Variants in NBAS observed in about 807,000 individuals in gnomAD.
NBAS encodes the protein NAG/BC035112 fusion.
In NBAS, 219 loss-of-function variants were observed where a neutral mutation model predicts 302.5. The observed-to-expected ratio is 0.72, with a 90% CI of 0.65 to 0.81. The LOEUF (loss-of-function observed/expected upper bound fraction) is 0.81. Ranked by LOEUF, NBAS falls within the 30% of genes least tolerant of loss-of-function variation. The pLI is 0.00. For missense variants in NBAS, 2,932 were observed against 2,841.6 expected (o/e 1.03, Z -0.72); for synonymous variants, 1,118 against 1,021.6 (o/e 1.09, Z -1.80).
chr2:15,539,373 C>G lies in NBAS; in HGVS notation c.380-17G>C. On this transcript the variant is annotated splice_polypyrimidine_tract_variant and intron_variant, in intron 6 of 51. Transcript: ENST00000281513. ...CTTTCGGAACTAGAACAAAAGAAAA[C>G]AAGAGGTGCTTCTAACAATATATTA... 6.2e-7 allele frequency: 1 copy of G among 1,614,106 alleles called. No individual in the cohort carries two copies. Among genetic ancestry groups the G allele is most frequent in the African/African-American group, 1.3e-5 (1 of 75,048 alleles).
intron 38 of NBAS, among the ~76,000 whole-genome samples, chr2:15,311,149 C>T (rs1052302659): frequency 1.3e-5 from 2 of 152,158 alleles, no homozygotes; most frequent in African/African-American, 4.8e-5. Flanking sequence ...TGTGGGAACA[C>T]CCAATAATCA....
the NBAS span, among the ~76,000 whole-genome samples, chr2:14,789,534 T>C: frequency 6.6e-6 from 1 of 152,216 alleles, no homozygotes; most frequent in Non-Finnish European, 1.5e-5. Context: ...AGGCCATATA[T>C]TGATAGAAAT....
chr2:15,205,220 G>A (rs915921661), intron 48 of NBAS, among the ~76,000 whole-genome samples: 1 of 151,976 alleles, frequency 6.6e-6, no homozygotes. Flanking sequence ...TTTGTAAGAT[G>A]CATGGATAAC....
At chr2:15,023,271 T>C in the NBAS span, among the ~76,000 whole-genome samples, 14 of 152,286 alleles carry the variant, frequency 9.2e-5, no homozygotes, top group South Asian at 4.1e-4. Flanking sequence ...TAGTATTCTA[T>C]GGTATGTGCT....
chr2:14,801,581 A>T, the NBAS span, among the ~76,000 whole-genome samples: 1 of 152,116 alleles, frequency 6.6e-6, no homozygotes, highest in Non-Finnish European at 1.5e-5. Flanking sequence ...ATAAAATTTC[A>T]AACTGTTTTA....
chr2:14,891,630 T>C, the NBAS span, among the ~76,000 whole-genome samples: 2 of 152,216 alleles, frequency 1.3e-5, no homozygotes, highest in Admixed American at 1.3e-4. Flanking sequence ...AAATTGAGCA[T>C]GACGGAGAGC....
chr2:15,184,185 G>T (rs749610270), intron 50 of NBAS, among the ~76,000 whole-genome samples: 4 of 152,104 alleles, frequency 2.6e-5, no homozygotes, highest in Non-Finnish European at 5.9e-5. Flanking sequence ...CTTATTCCCA[G>T]GCGGCTAAAA....
At chr2:14,909,930 T>C in the NBAS span, among the ~76,000 whole-genome samples, 1 of 152,236 alleles carries the variant, frequency 6.6e-6, no homozygotes, top group Non-Finnish European at 1.5e-5. Flanking sequence ...AAATTGATGC[T>C]CTTGGGCTCT....
At chr2:14,895,193 T>C in the NBAS span, among the ~76,000 whole-genome samples, 1 of 152,158 alleles carries the variant, frequency 6.6e-6, no homozygotes, top group Non-Finnish European at 1.5e-5. Context: ...TCCAGGTGTG[T>C]AGAAGAGAGG....
intron 49 of NBAS, 148 bp from the exon 50 acceptor site, chr2:15,187,028 TA>T (rs1472384998): frequency 2.5e-6 from 3 of 1,198,354 alleles, no homozygotes; most frequent in Non-Finnish European, 3.6e-6. Flanking sequence ...GTAGAAAAGA[TA>T]ACACCTTAAG....
chr2:14,991,983 TG>T, the NBAS span, among the ~76,000 whole-genome samples: 2 of 152,096 alleles, frequency 1.3e-5, no homozygotes, highest in African/African-American at 4.8e-5. Context: ...GGAGCACCTT[TG>T]GCTGAGAGGG....
intron 48 of NBAS, among the ~76,000 whole-genome samples, chr2:15,192,818 ATAGT>A (rs1243592158): frequency 6.6e-6 from 1 of 152,178 alleles, no homozygotes; most frequent in Non-Finnish European, 1.5e-5. Context: ...TAAATGCAGC[ATAGT>A]TAGTAACAAG....
intron 11 of NBAS, among the ~76,000 whole-genome samples, chr2:15,495,454 C>A (rs1681030535): frequency 1.3e-5 from 2 of 151,368 alleles, no homozygotes; most frequent in South Asian, 2.1e-4. Flanking sequence ...GTTTCTTCAA[C>A]AAATAATTTT....
intron 44 of NBAS, among the ~76,000 whole-genome samples, chr2:15,256,646 A>G (rs1417592754): frequency 6.6e-6 from 1 of 152,160 alleles, no homozygotes; most frequent in Non-Finnish European, 1.5e-5. Flanking sequence ...TTCTCAGAGA[A>G]AATGCTTTCA....
At chr2:15,504,703 T>C (rs1336586309) in intron 10 of NBAS, among the ~76,000 whole-genome samples, 1 of 152,204 alleles carries the variant, frequency 6.6e-6, no homozygotes, top group Non-Finnish European at 1.5e-5. Flanking sequence ...CTATATTTTT[T>C]CAGTGGAAAA....
chr2:15,233,855 C>T (rs1461589370), intron 46 of NBAS, among the ~76,000 whole-genome samples: 2 of 152,122 alleles, frequency 1.3e-5, no homozygotes, highest in African/African-American at 4.8e-5. Flanking sequence ...AAGAGCAATA[C>T]AGAATTAAAA....
chr2:15,279,410 C>T (rs533084965), intron 42 of NBAS, among the ~76,000 whole-genome samples: 1 of 152,242 alleles, frequency 6.6e-6, no homozygotes, highest in South Asian at 2.1e-4. Flanking sequence ...CACTTCAAAA[C>T]CAGGATTCTT....
chr2:14,950,969 G>C, the NBAS span, among the ~76,000 whole-genome samples: 1 of 152,076 alleles, frequency 6.6e-6, no homozygotes, highest in Admixed American at 6.6e-5. Flanking sequence ...CTGAGGGCTT[G>C]GGGAAAGGAC....
intron 9 of NBAS, among the ~76,000 whole-genome samples, chr2:15,517,605 G>A (rs918157): frequency 0.64 from 96,997 of 152,056 alleles, 31,661 homozygotes; most frequent in Non-Finnish European, 0.68. Context: ...TTAAGTGCAC[G>A]TAGTAGGTAC....
Sources: gnomAD v4.1 joint callset for allele counts (sites outside exome capture counted in the v4.1 genomes callset) on GRCh38, gnomAD v4.1.1 for gene constraint, MANE v1.5 for transcripts, NCBI Gene and HGNC (gene_info 2026-07-23, HGNC 2026-07-21) for gene names.